The following CDK18 variants were observed in gnomAD, a reference collection of about 807,000 sequenced individuals.
CDK18 encodes the protein cyclin dependent kinase 18, also known as cyclin-dependent kinase 18.
Under a neutral mutation model 62.0 loss-of-function variants are expected in CDK18, and 52 were observed. The ratio of observed to expected loss-of-function variants is 0.84; its 90% CI spans 0.67 to 1.06. The LOEUF (loss-of-function observed/expected upper bound fraction) is 1.06, where lower values mean the gene tolerates loss of function less well. Among genes scored for constraint, CDK18 ranks in the 50% least tolerant of loss-of-function variants. The pLI, the probability that CDK18 is intolerant of heterozygous loss-of-function variation, is 0.00. For missense variants in CDK18, 604 were observed against 619.9 expected, an observed-to-expected ratio of 0.97 and a Z score of 0.27; for synonymous variants, 237 against 247.0, an observed-to-expected ratio of 0.96 and a Z score of 0.38.
intron 3 of CDK18, 22 bp downstream of exon 3, chr1:205,523,647 C>T: frequency 6.4e-7 from 1 of 1,557,000 alleles, no homozygotes; most frequent in Non-Finnish European, 8.7e-7. Context: ...TGGAGCTCTG[C>T]CCCGGCAGGT....
At chr1:205,513,434 C>G (rs1048806637) in intron 1 of CDK18, among the ~76,000 whole-genome samples, 1 of 152,218 alleles carries the variant, frequency 6.6e-6, no homozygotes, top group Admixed American at 6.5e-5. Context: ...TGAGCCTCCT[C>G]AGAGAGTGCA....
chr1:205,506,018 C>T (rs533161793), intron 1 of CDK18, among the ~76,000 whole-genome samples: 77 of 152,338 alleles, frequency 5.1e-4, no homozygotes, highest in Non-Finnish European at 9.6e-4. Flanking sequence ...GTTCGCGTGG[C>T]ATTCCCCACC....
chr1:205,526,928 C>T (rs1668465513), intron 8 of CDK18, 91 bp downstream of exon 8: 1 of 1,061,852 alleles, frequency 9.4e-7, no homozygotes, highest in African/African-American at 1.6e-5. Context: ...AGGGATCCGG[C>T]TGCTGAGGTG....
At chr1:205,525,111 C>T in intron 4 of CDK18, 28 bp from the exon 5 acceptor site, 1 of 1,578,266 alleles carries the variant, frequency 6.3e-7, no homozygotes, top group Non-Finnish European at 8.7e-7. Flanking sequence ...GCTTCAAGCT[C>T]ACGGCATTCT....
intron 1 of CDK18, among the ~76,000 whole-genome samples, chr1:205,510,745 T>C (rs12736449): frequency 0.17 from 25,821 of 152,266 alleles, 2,431 homozygotes; most frequent in Middle Eastern, 0.26. Context: ...ATCGCTCACC[T>C]TTCTGAGTCT....
chr1:205,530,779 G>A, intron 15 of CDK18, 74 bp downstream of exon 15: 1 of 1,219,198 alleles, frequency 8.2e-7, no homozygotes, highest in Non-Finnish European at 1.2e-6. Flanking sequence ...CCCCAGTGGG[G>A]ACTCCCATGG....
At chr1:205,506,990 G>C (rs577545527) in intron 1 of CDK18, among the ~76,000 whole-genome samples, 1 of 152,196 alleles carries the variant, frequency 6.6e-6, no homozygotes, top group East Asian at 1.9e-4. Context: ...CTACAGACTC[G>C]GACTCTGTCC....
In CDK18 at chr1:205,523,672, A is replaced by C. The variant is rs368358695; in HGVS notation, c.273+47A>C. ...CCCCGGCAGGTGGCAGGATGCACGC[A>C]CAAGGGTGTGCACAGGAGGGCAGCT... is the stretch of plus-strand genomic sequence containing the variant. On this transcript the variant is annotated intron_variant, in intron 3 of 15. Transcript: ENST00000429964. 13 of 1,544,054 alleles carry C rather than the reference A, an allele frequency of 8.4e-6. No individual in the cohort carries two copies. In the African/African-American group the frequency reaches 1.8e-4, roughly 21 times the overall value.
rs781049753 is a variant in CDK18 at position 205,527,945 on chromosome 1, G to A, written c.853+28G>A. On this transcript the variant is annotated intron_variant, in intron 9 of 15. Coordinates refer to ENST00000429964, the MANE Select transcript of CDK18 (RefSeq NM_212502.3). The surrounding 1 kb of genome is among the most constrained non-coding windows in gnomAD (Gnocchi z 4.1). ...GAGGCTGGGGCTAGGGTGGGGGTCTGACGCTACTGGGGTGCCTCAGGGTGT... is the reference window on the plus strand; with the variant it reads ...GAGGCTGGGGCTAGGGTGGGGGTCTAACGCTACTGGGGTGCCTCAGGGTGT... 1 of 1,613,848 alleles carries A rather than the reference G, an allele frequency of 6.2e-7. No individual in the cohort carries two copies. Among genetic ancestry groups the A allele is most frequent in the Admixed American group, 1.7e-5 (1 of 60,010 alleles).
chr1:205,510,452 G>A (rs1421457088), intron 1 of CDK18, among the ~76,000 whole-genome samples: 1 of 152,218 alleles, frequency 6.6e-6, no homozygotes, highest in African/African-American at 2.4e-5. Flanking sequence ...GCCCAGGAAA[G>A]GGGTCACAGA....
intron 15 of CDK18, 112 bp downstream of exon 15, chr1:205,530,817 C>A (rs1668702268): frequency 7.2e-6 from 6 of 829,776 alleles, no homozygotes; most frequent in Non-Finnish European, 1.0e-5. Flanking sequence ...TCCCTTTGGA[C>A]TCTTTGGGGA....
At chr1:205,529,710 A>T in intron 13 of CDK18, 147 bp downstream of exon 13, 1 of 1,543,638 alleles carries the variant, frequency 6.5e-7, no homozygotes, top group Non-Finnish European at 8.7e-7. Context: ...CCCCAAGGCC[A>T]AGGGGTGGCC....
chr1:205,528,064 G>T lies in CDK18; in HGVS notation c.870G>T (p.Lys290Asn). 1 of 1,614,194 alleles carries T rather than the reference G, an allele frequency of 6.2e-7. No homozygotes were observed. The highest frequency in any genetic ancestry group is 1.7e-5 in the Admixed American group (1 of 60,026). Residue 290 changes from lysine to asparagine, a missense_variant, in exon 10 of 16, where the codon AAG becomes AAT. Physicochemically the swap from Lys to Asn is moderately conservative, Grantham distance 94. Coordinates refer to ENST00000429964, the MANE Select transcript of CDK18 (RefSeq NM_212502.3). This position sits in a 1 kb window ranked among gnomAD's most constrained non-coding sequence, Gnocchi z 4.2. ...KLADFGLARA[K>N]SVPTKTYSNE... ...TGCCCCCAGGACTGGCCAGGGCCAA[G>T]TCAGTGCCCACAAAGACTTACTCCA...
At position 205,519,773 on chromosome 1, in the gene CDK18, C is replaced by T. The variant is rs566537243; in HGVS notation, c.-21-3374C>T. The stretch of plus-strand genomic sequence containing the variant: ...GCAGGTGTGACTCAGGGCTGAATCT[C>T]TTTTGTCTTGCAGAAATGGGGGGCC... On this transcript the variant is annotated intron_variant, in intron 1 of 15. Transcript: ENST00000429964. Among the ~76,000 whole-genome samples the T allele has an allele frequency of 2.6e-5, 4 of 152,242 alleles. No individual in the cohort carries two copies. The South Asian group carries it at 6.2e-4, about 24-fold the overall frequency.
chr1:205,522,309 C>T (rs938730318), intron 1 of CDK18: 3 of 152,116 alleles, frequency 2.0e-5, no homozygotes, highest in Non-Finnish European at 4.4e-5. Flanking sequence ...ATGGTGTTCT[C>T]GGTAGGGGAT....
chr1:205,523,436 C>T lies in CDK18; in HGVS notation c.131-47C>T, dbSNP rs772243829. 5.6e-6 allele frequency: 9 copies of T among 1,599,512 alleles called. No homozygotes were observed. In the East Asian group the frequency reaches 1.4e-4, roughly 24 times the overall value. ...GGGGAGGGGGGCTACCCTTCTCTCC[C>T]TCAGGACAGAGAGGCAGGGAGGGGA... On this transcript the variant is annotated intron_variant, in intron 2 of 15. Transcript: ENST00000429964.
chr1:205,525,925 G>C, intron 5 of CDK18, 140 bp from the exon 6 acceptor site: 1 of 624,842 alleles, frequency 1.6e-6, no homozygotes, highest in Non-Finnish European at 2.9e-6. Context: ...GTAGGCTTTG[G>C]AGGAAACAGC....
Position 205,528,922 on chromosome 1 carries a change from T to G in CDK18, c.975-77T>G. On this transcript the variant is annotated intron_variant, in intron 10 of 15. Coordinates refer to ENST00000429964, the MANE Select transcript of CDK18 (RefSeq NM_212502.3). This position sits in a 1 kb window ranked among gnomAD's most constrained non-coding sequence, Gnocchi z 4.2. ...TGCAGCCGCCTGTGGCAGGTCGTCA[T>G]TGGTGCCCTGGTGGAGCAGCCCTAG... 1 of 951,468 alleles carries G rather than the reference T, an allele frequency of 1.1e-6. No individual in the cohort carries two copies. Among genetic ancestry groups the G allele is most frequent in the Non-Finnish European group, 1.6e-6 (1 of 628,000 alleles). The allele number at this position is 951,468 out of a possible 1,614,324, so 58.9% of individuals were successfully genotyped here. A position where few individuals can be genotyped will look rare whatever the true frequency, so the allele number is the denominator to read the frequency against.
intron 1 of CDK18, among the ~76,000 whole-genome samples, chr1:205,506,134 T>C (rs1260612093): frequency 1.3e-5 from 2 of 152,142 alleles, no homozygotes; most frequent in East Asian, 3.9e-4. Context: ...AGCCTGGCCT[T>C]GGGAGGGGCC....
Sources: gnomAD v4.1 joint callset for allele counts (sites outside exome capture counted in the v4.1 genomes callset) on GRCh38, gnomAD v4.1.1 for gene constraint, Gnocchi (gnomAD v3.1) non-coding constraint, MANE v1.5 for transcripts, NCBI Gene and HGNC (gene_info 2026-07-23, HGNC 2026-07-21) for gene names.